ARHGAP28: variants seen among roughly 807,000 people sequenced by gnomAD.
ARHGAP28 encodes rho GTPase-activating protein 28.
Under a neutral mutation model 90.7 loss-of-function variants are expected in ARHGAP28, and 56 were observed. The observed-to-expected ratio is 0.62, with a 90% CI of 0.50 to 0.77. ARHGAP28 has a LOEUF of 0.77. Among genes scored for constraint, ARHGAP28 ranks in the 30% least tolerant of loss-of-function variants. The pLI is 0.00. For missense variants in ARHGAP28, 869 were observed against 900.9 expected, an observed-to-expected ratio of 0.96 and a Z score of 0.45; for synonymous variants, 308 against 323.3, an observed-to-expected ratio of 0.95 and a Z score of 0.51.
chr18:6,761,353 A>G (rs367659143), intron 1 of ARHGAP28, among the ~76,000 whole-genome samples: 25 of 152,320 alleles, frequency 1.6e-4, no homozygotes, highest in Admixed American at 7.2e-4. Flanking sequence ...AGGCATGTGC[A>G]TTAGTAAACA....
At chr18:6,851,929 A>C (rs1286377739) in intron 4 of ARHGAP28, among the ~76,000 whole-genome samples, 2 of 152,146 alleles carry the variant, frequency 1.3e-5, no homozygotes, top group African/African-American at 4.8e-5. Context: ...CAAAGGAGGC[A>C]TGAGTCCATT....
At chr18:6,732,249 C>A (rs551881438) in intron 1 of ARHGAP28, among the ~76,000 whole-genome samples, 2 of 152,088 alleles carry the variant, frequency 1.3e-5, no homozygotes, top group African/African-American at 4.8e-5. Flanking sequence ...TGAATTCCTG[C>A]CAAGATTACA....
chr18:6,862,465 T>C (rs2143416576), intron 5 of ARHGAP28, among the ~76,000 whole-genome samples: 1 of 152,356 alleles, frequency 6.6e-6, no homozygotes, highest in Admixed American at 6.5e-5. Context: ...AGCCATGACC[T>C]AACCCATATC....
At chr18:6,782,730 G>A (rs539331772) in intron 1 of ARHGAP28, among the ~76,000 whole-genome samples, 14 of 147,274 alleles carry the variant, frequency 9.5e-5, no homozygotes, top group Admixed American at 3.4e-4. Context: ...GATTACAGGC[G>A]TGAGCCACCA....
At chr18:6,839,142 C>G (rs1174583755) in intron 3 of ARHGAP28, among the ~76,000 whole-genome samples, 1 of 152,046 alleles carries the variant, frequency 6.6e-6, no homozygotes, top group Non-Finnish European at 1.5e-5. Context: ...CAACAACAAC[C>G]AAATAAATGA....
At chr18:6,821,733 T>TTA (rs2056628445) in intron 1 of ARHGAP28, among the ~76,000 whole-genome samples, 1 of 152,182 alleles carries the variant, frequency 6.6e-6, no homozygotes, top group African/African-American at 2.4e-5. Flanking sequence ...AACCAGTGTG[T>TTA]TACTTAGCTG....
intron 1 of ARHGAP28, among the ~76,000 whole-genome samples, chr18:6,740,498 T>A (rs1018581413): frequency 1.3e-5 from 2 of 152,166 alleles, no homozygotes; most frequent in South Asian, 2.1e-4. Context: ...TAGGCCCATC[T>A]TAGTCTGGAC....
intron 1 of ARHGAP28, among the ~76,000 whole-genome samples, chr18:6,734,203 A>T (rs1567929318): frequency 6.6e-6 from 1 of 152,234 alleles, no homozygotes; most frequent in Non-Finnish European, 1.5e-5. Context: ...TCTATTCAGA[A>T]TCCAGAGTGA....
At chr18:6,865,773 C>G (rs2057033676) in intron 5 of ARHGAP28, among the ~76,000 whole-genome samples, 1 of 151,978 alleles carries the variant, frequency 6.6e-6, no homozygotes, top group South Asian at 2.1e-4. Flanking sequence ...CATAATAACC[C>G]CTCATACTCT....
At chr18:6,876,095 A>C in intron 9 of ARHGAP28, 36 bp from the exon 10 acceptor site, 2 of 1,444,774 alleles carry the variant, frequency 1.4e-6, no homozygotes, top group South Asian at 1.1e-5. Context: ...GATCATATAG[A>C]GGTACTTATT....
chr18:6,823,179 G>C (rs576291478), intron 1 of ARHGAP28, among the ~76,000 whole-genome samples: 1 of 152,194 alleles, frequency 6.6e-6, no homozygotes, highest in African/African-American at 2.4e-5. Flanking sequence ...GAAAGGAGTT[G>C]CAAACCCATA....
At chr18:6,769,121 A>G (rs1246601417) in intron 1 of ARHGAP28, among the ~76,000 whole-genome samples, 1 of 151,970 alleles carries the variant, frequency 6.6e-6, no homozygotes, top group Non-Finnish European at 1.5e-5. Context: ...ACTTTTTGGT[A>G]GGGTGAGAAG....
At position 6,736,134 on chromosome 18, in the gene ARHGAP28, A is replaced by G. The variant is rs138104291; in HGVS notation, c.122+6191A>G. ...TGGATCTTGTCACTACAATTCACTA[A>G]TGTGGTCTTCTAAAGGTGACTTTCT... On this transcript the variant is annotated intron_variant, in intron 1 of 17. Coordinates refer to ENST00000383472, the MANE Select transcript of ARHGAP28 (RefSeq NM_001366230.1). 7.3e-3 allele frequency among the ~76,000 whole-genome samples: 1,114 copies of G among 152,296 alleles called. 5 individuals carry two copies. Among genetic ancestry groups the G allele is most frequent in the South Asian group, 0.023 (113 of 4,828 alleles).
intron 1 of ARHGAP28, among the ~76,000 whole-genome samples, chr18:6,744,869 A>T (rs2056009158): frequency 6.6e-6 from 1 of 152,106 alleles, no homozygotes; most frequent in African/African-American, 2.4e-5. Context: ...ATGTTTTTCA[A>T]AGTTAAAGAG....
intron 5 of ARHGAP28, among the ~76,000 whole-genome samples, chr18:6,864,144 A>G (rs1460314595): frequency 1.3e-5 from 2 of 151,768 alleles, no homozygotes; most frequent in Non-Finnish European, 2.9e-5. Flanking sequence ...TGGCTCACTG[A>G]AACCTCTGCC....
At chr18:6,839,461 T>C (rs1319423896) in intron 3 of ARHGAP28, among the ~76,000 whole-genome samples, 1 of 151,938 alleles carries the variant, frequency 6.6e-6, no homozygotes, top group Non-Finnish European at 1.5e-5. Flanking sequence ...GCCTGGCTAA[T>C]TTTGTTTTTC....
chr18:6,853,474 ATT>A (rs34117123), intron 4 of ARHGAP28, among the ~76,000 whole-genome samples: 2 of 146,316 alleles, frequency 1.4e-5, no homozygotes, highest in African/African-American at 2.5e-5. Context: ...TTGCCAATCA[ATT>A]TTTTTTTTTT....
At chr18:6,898,626 G>C (rs2057321666) in intron 16 of ARHGAP28, 1 of 1,562,902 alleles carries the variant, frequency 6.4e-7, no homozygotes, top group Admixed American at 2.0e-5. Context: ...GTATCCAGTA[G>C]ACTTTTAGTT....
At position 6,735,755 on chromosome 18, in the gene ARHGAP28, G is replaced by C. The variant is rs140692400; in HGVS notation, c.122+5812G>C. Among the ~76,000 whole-genome samples the C allele has an allele frequency of 3.3e-3, 503 of 152,016 alleles. 7 individuals are homozygous for C. The highest frequency in any genetic ancestry group is 6.9e-4 in the Non-Finnish European group (47 of 67,974). ...TTTTTTGTGGAGATGGAGTTTTGCCGTGTTGCCCAGGCTGGTCTCAAACTT... is the reference window on the plus strand; with the variant it reads ...TTTTTTGTGGAGATGGAGTTTTGCCCTGTTGCCCAGGCTGGTCTCAAACTT... On this transcript the variant is annotated intron_variant, in intron 1 of 17. Transcript: ENST00000383472.
Sources: allele counts gnomAD v4.1 joint callset (sites outside exome capture counted in the v4.1 genomes callset), GRCh38; gene constraint gnomAD v4.1.1; transcripts MANE v1.5; gene names NCBI Gene and HGNC (gene_info 2026-07-23, HGNC 2026-07-21).